Variants in POLA2 observed in about 807,000 individuals in gnomAD.
POLA2 encodes DNA polymerase alpha 2, accessory subunit, also known as DNA polymerase alpha subunit B.
Under a neutral mutation model 82.8 loss-of-function variants are expected in POLA2, and 47 were observed. That is an observed-to-expected ratio of 0.57 (90% CI 0.45 to 0.72). The LOEUF (loss-of-function observed/expected upper bound fraction) is 0.72, where lower values mean the gene tolerates loss of function less well. Ranked by LOEUF, POLA2 falls within the 30% of genes least tolerant of loss-of-function variation. The pLI is 0.00. For synonymous variants in POLA2, 287 were observed against 286.8 expected, an observed-to-expected ratio of 1.00 and a Z score of -0.01; for missense variants, 634 against 728.1, an observed-to-expected ratio of 0.87 and a Z score of 1.49.
At chr11:65,263,376 G>A (rs1949422322) in intron 1 of POLA2, among the ~76,000 whole-genome samples, 2 of 151,614 alleles carry the variant, frequency 1.3e-5, no homozygotes. Flanking sequence ...CCCGCCACCA[G>A]GCCCGACTAA....
At position 65,294,230 on chromosome 11, in the gene POLA2, G is replaced by C; in HGVS notation, c.1322G>C (p.Ser441Thr). ...CCTGTGTACCCCCAGCCGCCTTTCA[G>C]CTACTCCGATCTGTCTCGAGAGGAC... ...HEPVYPQPPF[S>T]YSDLSREDKK... Residue 441 changes from serine (S) to threonine (T), a missense_variant, in exon 14 of 18, where the codon AGC becomes ACC. Ser to Thr is a moderately conservative substitution (Grantham distance 58). Coordinates refer to ENST00000265465, the MANE Select transcript of POLA2 (RefSeq NM_002689.4). The C allele has an allele frequency of 1.2e-6, 2 of 1,614,064 alleles. No individual in the cohort carries two copies. Among genetic ancestry groups the C allele is most frequent in the Non-Finnish European group, 1.7e-6 (2 of 1,180,004 alleles).
At chr11:65,268,088 C>T (rs1406720523) in intron 3 of POLA2, among the ~76,000 whole-genome samples, 5 of 151,610 alleles carry the variant, frequency 3.3e-5, no homozygotes, top group East Asian at 2.0e-4. Context: ...TCACCGTGCC[C>T]GGCCAAAGTA....
At chr11:65,274,661 CAG>C (rs759977458) in intron 4 of POLA2, among the ~76,000 whole-genome samples, 1 of 145,570 alleles carries the variant, frequency 6.9e-6, no homozygotes, top group Non-Finnish European at 1.5e-5. Context: ...GCGTGGGTGA[CAG>C]TGACTCCATC....
rs755252447 is a variant in POLA2 at position 65,295,856 on chromosome 11, C to G, written c.1521-8C>G. The stretch of plus-strand genomic sequence containing the variant: ...GCTAGTGCTGACAATTTCTCTCTGT[C>G]TCTGTAGCTACTACCCACTCTACCC... On this transcript the variant is annotated splice_region_variant and splice_polypyrimidine_tract_variant and intron_variant, in intron 16 of 17. Coordinates refer to ENST00000265465, the MANE Select transcript of POLA2 (RefSeq NM_002689.4). The G allele has an allele frequency of 1.9e-6, 3 of 1,607,222 alleles. No homozygotes were observed. The highest frequency in any genetic ancestry group is 2.6e-6 in the Non-Finnish European group (3 of 1,174,214).
chr11:65,289,116 C>T (rs200658045), intron 12 of POLA2, 28 bp downstream of exon 12: 2 of 1,593,514 alleles, frequency 1.3e-6, no homozygotes, highest in African/African-American at 1.3e-5. Flanking sequence ...GGAAGGGGTC[C>T]TGGGTACTTG....
rs1025010371 is a variant in POLA2, at chr11:65,298,529, C to G, written c.*1260C>G. ...CCAGCTGTCAGGGCAGGGAAGTGGG[C>G]AAGGGGGCAGCAAGCTGCTGGTGTC... On this transcript the variant is annotated 3_prime_UTR_variant, in exon 18 of 18. Transcript: ENST00000265465. 1 of 152,280 alleles carries G rather than the reference C, an allele frequency of 6.6e-6. No homozygotes were observed. The highest frequency in any genetic ancestry group is 6.5e-5 in the Admixed American group (1 of 15,284). 9.4% of individuals were successfully genotyped at this position (152,280 alleles called of 1,614,324 possible). A position where few individuals can be genotyped will look rare whatever the true frequency, so the allele number is the denominator to read the frequency against.
Position 65,295,606 on chromosome 11 carries a change from T to A in POLA2, c.1520+7T>A. 1 of 1,611,788 alleles carries A rather than the reference T, an allele frequency of 6.2e-7. No individual in the cohort carries two copies. Among genetic ancestry groups the A allele is most frequent in the South Asian group, 1.1e-5 (1 of 91,038 alleles). On this transcript the variant is annotated splice_region_variant and intron_variant, in intron 16 of 17. Transcript: ENST00000265465. Reference sequence around the variant, plus strand: ...ACATCTTGACCCAGAGGAGGTGAGCTTGCCGCTGGGACCCCTGACTGTGGA... The same window carrying A: ...ACATCTTGACCCAGAGGAGGTGAGCATGCCGCTGGGACCCCTGACTGTGGA...
intron 10 of POLA2, among the ~76,000 whole-genome samples, chr11:65,285,757 A>G (rs1414634507): frequency 6.6e-6 from 1 of 152,140 alleles, no homozygotes; most frequent in Non-Finnish European, 1.5e-5. Context: ...GAACTTTTGT[A>G]CAAGGAATTA....
chr11:65,293,296 G>C (rs1289442701), intron 13 of POLA2, among the ~76,000 whole-genome samples: 1 of 152,020 alleles, frequency 6.6e-6, no homozygotes, highest in African/African-American at 2.4e-5. Context: ...TCAGTCAGAG[G>C]GTTTCAGCTG....
At chr11:65,305,579 C>G (rs984349805) in exon 9 of POLA2, 1 of 361,742 alleles carries the variant, frequency 2.8e-6, no homozygotes, top group Non-Finnish European at 5.4e-6. Flanking sequence ...GAGGCCAAGG[C>G]GGGAGGATGG....
intron 4 of POLA2, among the ~76,000 whole-genome samples, chr11:65,272,698 G>A (rs1249632807): frequency 6.6e-6 from 1 of 152,118 alleles, no homozygotes; most frequent in African/African-American, 2.4e-5. Flanking sequence ...GGTACCATTG[G>A]TGACTACATT....
At chr11:65,264,193 G>A (rs1300756992) in intron 1 of POLA2, among the ~76,000 whole-genome samples, 2 of 151,956 alleles carry the variant, frequency 1.3e-5, no homozygotes, top group African/African-American at 2.4e-5. Context: ...TCAGCCTCCC[G>A]AGTAGCTGGG....
intron 4 of POLA2, among the ~76,000 whole-genome samples, chr11:65,271,469 A>G (rs1054632998): frequency 4.6e-5 from 7 of 152,196 alleles, no homozygotes; most frequent in African/African-American, 1.4e-4. Context: ...TTACTTTACT[A>G]TTGAAGTAGA....
chr11:65,270,073 C>A (rs1229898794), intron 4 of POLA2, among the ~76,000 whole-genome samples: 1 of 152,236 alleles, frequency 6.6e-6, no homozygotes, highest in African/African-American at 2.4e-5. Context: ...CTGCGGTGAT[C>A]CACCTGCCTC....
At chr11:65,302,700 GT>G (rs1949865288), downstream of POLA2, among the ~76,000 whole-genome samples, 1 of 151,926 alleles carries the variant, frequency 6.6e-6, no homozygotes, top group African/African-American at 2.4e-5. Flanking sequence ...AGAACGATTT[GT>G]CATGTCCACA....
At chr11:65,302,011 T>TG (rs1238720821), downstream of POLA2, among the ~76,000 whole-genome samples, 11 of 152,078 alleles carry the variant, frequency 7.2e-5, no homozygotes, top group African/African-American at 2.7e-4. Context: ...GGCTCTAGGC[T>TG]CCTCCCCACC....
At chr11:65,265,341 A>G (rs1949448026) in intron 1 of POLA2, among the ~76,000 whole-genome samples, 1 of 152,164 alleles carries the variant, frequency 6.6e-6, no homozygotes, top group Non-Finnish European at 1.5e-5. Context: ...CAAGGTCACC[A>G]GTGACCTTCA....
intron 8 of POLA2, among the ~76,000 whole-genome samples, chr11:65,304,589 G>A (rs755288785): frequency 4.6e-5 from 7 of 152,166 alleles, no homozygotes; most frequent in Non-Finnish European, 7.3e-5. Context: ...AGTTTCCCAC[G>A]GTATCACAAG....
Position 65,297,268 on chromosome 11 carries a change from G to C in POLA2, c.1796G>C (p.Ter599SerextTer25), listed in dbSNP as rs1345075760. Reference sequence around the variant, plus strand: ...ATTGCTGTGCAGGTCGTCAGGATCTGAGGCTTCTGTCCTCTGCTGTTCTCT... The same window carrying C: ...ATTGCTGTGCAGGTCGTCAGGATCTCAGGCTTCTGTCCTCTGCTGTTCTCT... ...PCIAVQVVRI[*>S] is the part of the protein sequence containing the mutation. The change falls in exon 18 of 18, where the codon TGA becomes TCA. Residue 599 changes from the stop codon to serine, a stop_lost. Coordinates refer to ENST00000265465, the MANE Select transcript of POLA2 (RefSeq NM_002689.4). 1 of 1,604,408 alleles carries C rather than the reference G, an allele frequency of 6.2e-7. No homozygotes were observed. The highest frequency in any genetic ancestry group is 8.5e-7 in the Non-Finnish European group (1 of 1,175,078).
Sources: allele counts gnomAD v4.1 joint callset (sites outside exome capture counted in the v4.1 genomes callset), GRCh38; gene constraint gnomAD v4.1.1; transcripts MANE v1.5; gene names NCBI Gene and HGNC (gene_info 2026-07-23, HGNC 2026-07-21).